The following MFHAS1 variants were observed in gnomAD, a reference collection of about 807,000 sequenced individuals.
The protein encoded by MFHAS1 is malignant fibrous histiocytoma-amplified sequence 1.
In MFHAS1, 50 loss-of-function variants were observed where a neutral mutation model predicts 70.4. The ratio of observed to expected loss-of-function variants is 0.71; its 90% CI spans 0.57 to 0.90. MFHAS1 has a LOEUF of 0.90. Among genes scored for constraint, MFHAS1 ranks in the 40% least tolerant of loss-of-function variants. The pLI, the probability that MFHAS1 is intolerant of heterozygous loss-of-function variation, is 0.00. For synonymous variants in MFHAS1, 952 were observed against 620.0 expected, an observed-to-expected ratio of 1.54 and a Z score of -7.96; for missense variants, 1,795 against 1,347.6, an observed-to-expected ratio of 1.33 and a Z score of -5.20.
At chr8:8,858,874 G>C (rs963353300) in intron 1 of MFHAS1, among the ~76,000 whole-genome samples, 4 of 152,096 alleles carry the variant, frequency 2.6e-5, no homozygotes, top group Admixed American at 6.5e-5. Flanking sequence ...TAACAACAAG[G>C]ATAAAGCATT....
chr8:8,826,236 C>G (rs932509813), intron 1 of MFHAS1, among the ~76,000 whole-genome samples: 1 of 132,154 alleles, frequency 7.6e-6, no homozygotes, highest in East Asian at 2.3e-4. Context: ...ATACTGCATG[C>G]AAACACAAAG....
At chr8:8,811,024 A>C (rs1490700281) in intron 1 of MFHAS1, among the ~76,000 whole-genome samples, 9 of 152,118 alleles carry the variant, frequency 5.9e-5, no homozygotes, top group Admixed American at 5.9e-4. Flanking sequence ...AAATGGCTCA[A>C]CTTTCTCCTT....
chr8:8,892,975 G>C lies in MFHAS1; in HGVS notation c.84C>G (p.Asn28Lys), dbSNP rs757961778. The C allele has an allele frequency of 1.3e-6, 2 of 1,541,950 alleles. No individual in the cohort carries two copies. The highest frequency in any genetic ancestry group is 2.5e-5 in the East Asian group (1 of 39,452). The change falls in exon 1 of 3, where the codon AAC (asparagine) becomes AAG (lysine). Residue 28 changes from asparagine (N) to lysine (K), a missense_variant. Asn to Lys is a moderately conservative substitution (Grantham distance 94). Coordinates refer to ENST00000276282, the MANE Select transcript of MFHAS1 (RefSeq NM_004225.3). This position sits in a 1 kb window ranked among gnomAD's most constrained non-coding sequence, Gnocchi z 4.7. ...AALRARKLRS[N>K]LRQLTLTAAG... ...CGGCGGTAAGCGTGAGCTGGCGCAGGTTGCTCCGCAGCTTCCTGGCACGCA... is the reference window on the plus strand; with the variant it reads ...CGGCGGTAAGCGTGAGCTGGCGCAGCTTGCTCCGCAGCTTCCTGGCACGCA...
intron 1 of MFHAS1, among the ~76,000 whole-genome samples, chr8:8,814,070 T>G (rs775726870): frequency 3.9e-5 from 6 of 152,030 alleles, no homozygotes; most frequent in Non-Finnish European, 7.4e-5. Context: ...CCCAAGTAGC[T>G]GGGATTACAG....
At chr8:8,852,418 G>A (rs1169077449) in intron 1 of MFHAS1, among the ~76,000 whole-genome samples, 1 of 152,010 alleles carries the variant, frequency 6.6e-6, no homozygotes, top group Non-Finnish European at 1.5e-5. Context: ...AGGCTGCAGT[G>A]AACTGAGATC....
chr8:8,849,670 G>A (rs1044535967), intron 1 of MFHAS1, among the ~76,000 whole-genome samples: 5 of 152,102 alleles, frequency 3.3e-5, no homozygotes, highest in Non-Finnish European at 5.9e-5. Flanking sequence ...CAGTCCAAGT[G>A]GACACTTCAT....
chr8:8,869,431 C>T (rs180818088), intron 1 of MFHAS1, among the ~76,000 whole-genome samples: 4 of 152,206 alleles, frequency 2.6e-5, no homozygotes, highest in East Asian at 1.9e-4. Flanking sequence ...TTTATCTTTG[C>T]GGTATTTTAA....
At chr8:8,801,897 A>T (rs565178690) in intron 1 of MFHAS1, among the ~76,000 whole-genome samples, 1 of 152,272 alleles carries the variant, frequency 6.6e-6, no homozygotes, top group African/African-American at 2.4e-5. Context: ...AGAAGGAGAG[A>T]TTCATACTGA....
intron 1 of MFHAS1, among the ~76,000 whole-genome samples, chr8:8,848,510 G>A (rs756061206): frequency 1.3e-5 from 2 of 152,126 alleles, no homozygotes; most frequent in African/African-American, 2.4e-5. Flanking sequence ...AAGGGCAAAC[G>A]GCTCAGGCAG....
intron 1 of MFHAS1, among the ~76,000 whole-genome samples, chr8:8,814,169 C>A (rs1164890224): frequency 6.6e-6 from 1 of 152,160 alleles, no homozygotes; most frequent in Non-Finnish European, 1.5e-5. Context: ...AACTCCTGAC[C>A]TCAAGTGATC....
chr8:8,845,082 G>T (rs1397729272), intron 1 of MFHAS1, among the ~76,000 whole-genome samples: 1 of 152,198 alleles, frequency 6.6e-6, no homozygotes, highest in Admixed American at 6.5e-5. Flanking sequence ...GAATGCACAT[G>T]TGTTTTTCCC....
chr8:8,809,001 A>G (rs1312380743), intron 1 of MFHAS1, among the ~76,000 whole-genome samples: 2 of 152,162 alleles, frequency 1.3e-5, no homozygotes, highest in African/African-American at 4.8e-5. Flanking sequence ...CCGGAGCTCC[A>G]TCTCCTGTCA....
chr8:8,848,013 C>T (rs1219248808), intron 1 of MFHAS1, among the ~76,000 whole-genome samples: 1 of 152,188 alleles, frequency 6.6e-6, no homozygotes, highest in Non-Finnish European at 1.5e-5. Flanking sequence ...GGATATTTTC[C>T]CCATCCTAGG....
In MFHAS1 at chr8:8,785,384, G is replaced by A. The variant is rs1805503221; in HGVS notation, c.*638C>T. The A allele has an allele frequency of 2.0e-5, 1 of 50,432 alleles. No individual in the cohort carries two copies. The highest frequency in any genetic ancestry group is 5.3e-5 in the Non-Finnish European group (1 of 18,808). The allele number at this position is 50,432 out of a possible 1,614,324, so 3.1% of individuals were successfully genotyped here. A position where few individuals can be genotyped will look rare whatever the true frequency, so the allele number is the denominator to read the frequency against. On this transcript the variant is annotated 3_prime_UTR_variant, in exon 3 of 3. Transcript: ENST00000276282. ...AACACTTAATCCATGGGCTAACAGA[G>A]AGATTTTTTTTTTAATGTGAAGAGG...
At chr8:8,814,102 T>C (rs908017996) in intron 1 of MFHAS1, among the ~76,000 whole-genome samples, 1 of 152,100 alleles carries the variant, frequency 6.6e-6, no homozygotes, top group Non-Finnish European at 1.5e-5. Flanking sequence ...CACGCCCAGC[T>C]AATTTTTGTA....
intron 1 of MFHAS1, among the ~76,000 whole-genome samples, chr8:8,804,046 A>G (rs145104781): frequency 3.2e-4 from 49 of 152,306 alleles, no homozygotes; most frequent in African/African-American, 7.0e-4. Context: ...ATGCCACTGG[A>G]TATCAGGGAC....
chr8:8,860,170 G>A (rs1808608031), intron 1 of MFHAS1: 1 of 152,202 alleles, frequency 6.6e-6, no homozygotes, highest in Admixed American at 6.5e-5. Flanking sequence ...GCACACGCAG[G>A]CCTGAGATTC....
chr8:8,811,975 A>C (rs138088386), intron 1 of MFHAS1, among the ~76,000 whole-genome samples: 1,542 of 152,288 alleles, frequency 0.01, 12 homozygotes, highest in South Asian at 0.034. Context: ...CATGCCATCC[A>C]AGGGCAAACA....
At chr8:8,879,834 G>A (rs949548203) in intron 1 of MFHAS1, among the ~76,000 whole-genome samples, 4 of 152,162 alleles carry the variant, frequency 2.6e-5, no homozygotes, top group African/African-American at 4.8e-5. Context: ...ATTCAACAGT[G>A]ATTGACGACA....
Sources: gnomAD v4.1 joint callset for allele counts (sites outside exome capture counted in the v4.1 genomes callset) on GRCh38, gnomAD v4.1.1 for gene constraint, Gnocchi (gnomAD v3.1) non-coding constraint, MANE v1.5 for transcripts, NCBI Gene and HGNC (gene_info 2026-07-23, HGNC 2026-07-21) for gene names.